LRRC37A2: variants seen among roughly 807,000 people sequenced by gnomAD.
LRRC37A2 encodes leucine rich repeat containing 37 member A2, also known as leucine-rich repeat-containing protein 37A2.
LRRC37A2 carries 9 observed loss-of-function variants against 68.8 expected under a neutral mutation model. The ratio of observed to expected loss-of-function variants is 0.13; its 90% CI spans 0.08 to 0.23. The LOEUF (loss-of-function observed/expected upper bound fraction) is 0.23. Ranked by LOEUF, LRRC37A2 falls within the 10% of genes least tolerant of loss-of-function variation. The pLI, the probability that LRRC37A2 is intolerant of heterozygous loss-of-function variation, is 1.00. For missense variants in LRRC37A2, 168 were observed against 950.4 expected, an observed-to-expected ratio of 0.18 and a Z score of 10.82; for synonymous variants, 63 against 367.6, an observed-to-expected ratio of 0.17 and a Z score of 9.48.
chr17:46,761,238 T>G, the LRRC37A2 span, among the ~76,000 whole-genome samples: 1 of 151,996 alleles, frequency 6.6e-6, no homozygotes, highest in Non-Finnish European at 1.5e-5. Flanking sequence ...CTGGTGGCTA[T>G]TCCTAACCTC....
At chr17:46,866,494 G>A in the LRRC37A2 span, among the ~76,000 whole-genome samples, 1 of 152,020 alleles carries the variant, frequency 6.6e-6, no homozygotes, top group African/African-American at 2.4e-5. Flanking sequence ...GTGTGTGTAG[G>A]GGGATCAGTG....
chr17:46,980,460 C>A, the LRRC37A2 span, among the ~76,000 whole-genome samples: 89,718 of 150,878 alleles, frequency 0.59, 27,098 homozygotes, highest in African/African-American at 0.63. Flanking sequence ...CCATAAGGAG[C>A]CTTGTAACAA....
At chr17:46,757,248 G>A in the LRRC37A2 span, 1 of 152,384 alleles carries the variant, frequency 6.6e-6, no homozygotes, top group South Asian at 2.1e-4. Context: ...TTAAAGAAGT[G>A]GATTGTATTG....
At chr17:46,558,165 G>T (rs2057386032), downstream of LRRC37A2, among the ~76,000 whole-genome samples, 1 of 116,410 alleles carries the variant, frequency 8.6e-6, no homozygotes, top group Non-Finnish European at 1.7e-5. Context: ...GTTCAAGCAA[G>T]TCTCCTGCCT....
chr17:46,979,832 G>C, the LRRC37A2 span, among the ~76,000 whole-genome samples: 1 of 151,230 alleles, frequency 6.6e-6, no homozygotes, highest in Non-Finnish European at 1.5e-5. Flanking sequence ...TTGTAGACTA[G>C]TTTAGAAAAC....
At chr17:46,903,205 C>G in the LRRC37A2 span, among the ~76,000 whole-genome samples, 1 of 151,846 alleles carries the variant, frequency 6.6e-6, no homozygotes. Context: ...CGCTTGAACC[C>G]GGGAGGTGGA....
chr17:46,763,137 A>G, the LRRC37A2 span: 1 of 152,124 alleles, frequency 6.6e-6, no homozygotes. Context: ...CTGCCCTGGT[A>G]TTTTAGGTCA....
chr17:46,691,765 G>GT, the LRRC37A2 span, among the ~76,000 whole-genome samples: 2 of 151,058 alleles, frequency 1.3e-5, no homozygotes, highest in Non-Finnish European at 2.9e-5. Context: ...AGTATTTTTT[G>GT]TTTTTGAGAC....
At chr17:46,966,577 G>A in the LRRC37A2 span, 1 of 693,928 alleles carries the variant, frequency 1.4e-6, no homozygotes, top group South Asian at 1.5e-5. Flanking sequence ...CCGAACTCCT[G>A]AGCTCAAGAG....
chr17:46,821,958 C>T, the LRRC37A2 span, among the ~76,000 whole-genome samples: 2 of 152,238 alleles, frequency 1.3e-5, no homozygotes, highest in Admixed American at 6.5e-5. Flanking sequence ...AGGAAATCTC[C>T]GATCCAGGCA....
the LRRC37A2 span, among the ~76,000 whole-genome samples, chr17:46,827,430 G>A: frequency 1.3e-5 from 2 of 152,170 alleles, no homozygotes; most frequent in African/African-American, 2.4e-5. Flanking sequence ...ACCTGGAGCT[G>A]CAGCAGCCAT....
the LRRC37A2 span, among the ~76,000 whole-genome samples, chr17:47,029,514 C>T: frequency 8.4e-3 from 1,285 of 152,250 alleles, 28 homozygotes; most frequent in African/African-American, 0.03. Context: ...TCTAGTTTCA[C>T]ACAGTTCACT....
At chr17:47,000,086 T>TAAAATAAAATAAAAATAA in the LRRC37A2 span, among the ~76,000 whole-genome samples, 72 of 11,526 alleles carry the variant, frequency 6.2e-3, 3 homozygotes, top group East Asian at 0.022. Context: ...AAAAATAAAA[T>TAAAATAAAATAAAAATAA]AAAATAAAAT....
At chr17:46,870,547 C>T in the LRRC37A2 span, among the ~76,000 whole-genome samples, 3 of 152,264 alleles carry the variant, frequency 2.0e-5, no homozygotes, top group African/African-American at 7.2e-5. Context: ...CCGATAGCAT[C>T]TGTCTCTGCT....
At chr17:46,764,906 GGAGC>G in the LRRC37A2 span, among the ~76,000 whole-genome samples, 1 of 152,242 alleles carries the variant, frequency 6.6e-6, no homozygotes, top group East Asian at 1.9e-4. Flanking sequence ...AGGAAGCCCA[GGAGC>G]AGGTCACTCA....
chr17:46,533,828 T>C (rs2054116688), intron 6 of LRRC37A2, among the ~76,000 whole-genome samples: 1 of 94,360 alleles, frequency 1.1e-5, no homozygotes, highest in Non-Finnish European at 1.9e-5. Context: ...TTGTGCAGAT[T>C]CACGTTAGTA....
the LRRC37A2 span, among the ~76,000 whole-genome samples, chr17:46,812,229 AG>A: frequency 6.6e-6 from 1 of 152,200 alleles, no homozygotes; most frequent in Non-Finnish European, 1.5e-5. Flanking sequence ...GGGATAAAGA[AG>A]GACCCTGCTT....
chr17:46,490,530 C>T, the LRRC37A2 span, among the ~76,000 whole-genome samples: 1 of 150,832 alleles, frequency 6.6e-6, no homozygotes, highest in Non-Finnish European at 1.5e-5. Context: ...GGAGACCAGC[C>T]TGGCCAACAT....
chr17:46,928,163 C>A, the LRRC37A2 span, among the ~76,000 whole-genome samples: 1 of 152,116 alleles, frequency 6.6e-6, no homozygotes. Context: ...TTTCTAGTTG[C>A]TTCTCAGGGC....
Sources: allele counts gnomAD v4.1 joint callset (sites outside exome capture counted in the v4.1 genomes callset), GRCh38; gene constraint gnomAD v4.1.1; transcripts MANE v1.5; gene names NCBI Gene and HGNC (gene_info 2026-07-23, HGNC 2026-07-21).